The following UBE2E2 variants were observed in gnomAD, a reference collection of about 807,000 sequenced individuals.
The protein encoded by UBE2E2 is ubiquitin-conjugating enzyme E2 E2.
Under a neutral mutation model 24.7 loss-of-function variants are expected in UBE2E2, and 6 were observed. That is an observed-to-expected ratio of 0.24 (90% CI 0.13 to 0.48). The LOEUF is 0.48. Ranked by LOEUF, UBE2E2 falls within the 20% of genes least tolerant of loss-of-function variation. The pLI is 0.99. For synonymous variants in UBE2E2, 104 were observed against 83.6 expected, an observed-to-expected ratio of 1.24 and a Z score of -1.33; for missense variants, 169 against 245.0, an observed-to-expected ratio of 0.69 and a Z score of 2.07.
intron 5 of UBE2E2, among the ~76,000 whole-genome samples, chr3:23,535,209 A>G (rs771812638): frequency 2.6e-5 from 4 of 152,218 alleles, no homozygotes; most frequent in African/African-American, 4.8e-5. Context: ...AGCCCTGCCT[A>G]AATCACTGGA....
chr3:23,258,284 C>T (rs552662294), intron 3 of UBE2E2, among the ~76,000 whole-genome samples: 8 of 151,856 alleles, frequency 5.3e-5, no homozygotes, highest in Non-Finnish European at 1.5e-5. Flanking sequence ...AAAGGGAGAG[C>T]GATGTCACCA....
intron 4 of UBE2E2, among the ~76,000 whole-genome samples, chr3:23,511,285 A>G (rs778460068): frequency 6.6e-6 from 1 of 152,236 alleles, no homozygotes; most frequent in Non-Finnish European, 1.5e-5. Flanking sequence ...GATGTTGCCA[A>G]GTATACCCTG....
chr3:23,297,532 A>G, intron 3 of UBE2E2, among the ~76,000 whole-genome samples: 1 of 152,230 alleles, frequency 6.6e-6, no homozygotes, highest in East Asian at 1.9e-4. Flanking sequence ...ACCTATGGGT[A>G]GCCAGTTTTC....
intron 3 of UBE2E2, among the ~76,000 whole-genome samples, chr3:23,262,549 G>A (rs1228764917): frequency 1.3e-5 from 2 of 151,922 alleles, no homozygotes; most frequent in African/African-American, 4.8e-5. Context: ...TAGAGCACTG[G>A]GATTGCAGGC....
At chr3:23,417,288 T>A (rs1244051287) in intron 3 of UBE2E2, among the ~76,000 whole-genome samples, 1 of 152,194 alleles carries the variant, frequency 6.6e-6, no homozygotes, top group Non-Finnish European at 1.5e-5. Flanking sequence ...GTTTGTTCAT[T>A]TTCCTTCTAA....
intron 2 of UBE2E2, among the ~76,000 whole-genome samples, chr3:23,209,713 T>A (rs1289646416): frequency 3.3e-5 from 5 of 152,190 alleles, no homozygotes; most frequent in Non-Finnish European, 5.9e-5. Context: ...TAAGGGGAAC[T>A]CCTTTCTCAA....
chr3:23,215,403 A>G (rs995494724), intron 2 of UBE2E2, among the ~76,000 whole-genome samples: 2 of 152,138 alleles, frequency 1.3e-5, no homozygotes, highest in African/African-American at 4.8e-5. Flanking sequence ...TGGGCTTCTC[A>G]ATGAGTCATA....
chr3:23,361,106 C>G (rs766527906), intron 3 of UBE2E2, among the ~76,000 whole-genome samples: 4 of 152,036 alleles, frequency 2.6e-5, no homozygotes, highest in South Asian at 2.1e-4. Flanking sequence ...ATCGGGAAAA[C>G]GCAAATTAAA....
At chr3:23,492,896 A>G (rs1013184586) in intron 3 of UBE2E2, among the ~76,000 whole-genome samples, 10 of 152,112 alleles carry the variant, frequency 6.6e-5, no homozygotes, top group African/African-American at 2.4e-4. Context: ...AAATAGGTGA[A>G]TTTTATTTTA....
At chr3:23,293,518 C>T (rs576050437) in intron 3 of UBE2E2, among the ~76,000 whole-genome samples, 2 of 152,150 alleles carry the variant, frequency 1.3e-5, no homozygotes, top group East Asian at 1.9e-4. Flanking sequence ...TACGGTCTTA[C>T]GTTAAAAAAA....
intron 3 of UBE2E2, among the ~76,000 whole-genome samples, chr3:23,461,226 C>T (rs1160105725): frequency 6.6e-6 from 1 of 152,096 alleles, no homozygotes; most frequent in Non-Finnish European, 1.5e-5. Flanking sequence ...ACCCCAAACC[C>T]ACAAATAACT....
intron 3 of UBE2E2, among the ~76,000 whole-genome samples, chr3:23,320,058 T>C (rs1465074226): frequency 6.6e-6 from 1 of 152,060 alleles, no homozygotes; most frequent in Non-Finnish European, 1.5e-5. Flanking sequence ...TATGTGAAAG[T>C]CTCCTGCCCA....
At chr3:23,246,374 C>T (rs2125341867) in intron 3 of UBE2E2, among the ~76,000 whole-genome samples, 1 of 151,216 alleles carries the variant, frequency 6.6e-6, no homozygotes, top group Admixed American at 6.6e-5. Flanking sequence ...GCGCCCGCCA[C>T]CATGCCTGGC....
At chr3:23,436,003 C>T (rs761066920) in intron 3 of UBE2E2, among the ~76,000 whole-genome samples, 3 of 152,102 alleles carry the variant, frequency 2.0e-5, no homozygotes, top group Non-Finnish European at 4.4e-5. Context: ...ACCTCGCACG[C>T]ACAGTTCACA....
chr3:23,363,487 G>A (rs1302063102), intron 3 of UBE2E2, among the ~76,000 whole-genome samples: 1 of 152,180 alleles, frequency 6.6e-6, no homozygotes, highest in African/African-American at 2.4e-5. Context: ...GAAAAAAGGA[G>A]GGGTTGGCAT....
intron 5 of UBE2E2, among the ~76,000 whole-genome samples, chr3:23,558,944 G>T (rs920998124): frequency 5.3e-5 from 8 of 152,136 alleles, no homozygotes; most frequent in Admixed American, 6.5e-5. Flanking sequence ...AAAATAAATT[G>T]TATAGACACC....
chr3:23,397,732 A>G (rs1185046809), intron 3 of UBE2E2, among the ~76,000 whole-genome samples: 1 of 152,208 alleles, frequency 6.6e-6, no homozygotes, highest in African/African-American at 2.4e-5. Context: ...TTGAAGTAGT[A>G]TTCCATTTAT....
chr3:23,458,426 G>T (rs140942063), intron 3 of UBE2E2, among the ~76,000 whole-genome samples: 34 of 148,082 alleles, frequency 2.3e-4, no homozygotes, highest in African/African-American at 7.0e-4. Flanking sequence ...TGGTGGTGGT[G>T]GTTGTTGTTG....
At chr3:23,300,263 G>T (rs1259299976) in intron 3 of UBE2E2, among the ~76,000 whole-genome samples, 7 of 151,818 alleles carry the variant, frequency 4.6e-5, no homozygotes, top group Non-Finnish European at 2.9e-5. Flanking sequence ...TCTTTTAATT[G>T]GAGCATTTAG....
Sources: allele counts gnomAD v4.1 joint callset (sites outside exome capture counted in the v4.1 genomes callset), GRCh38; gene constraint gnomAD v4.1.1; transcripts MANE v1.5; gene names NCBI Gene and HGNC (gene_info 2026-07-23, HGNC 2026-07-21).